Variants in ENOX1 observed in about 807,000 individuals in gnomAD.
The protein encoded by ENOX1 is candidate growth-related and time keeping constitutive hydroquinone (NADH) oxidase.
Under a neutral mutation model 82.5 loss-of-function variants are expected in ENOX1, and 42 were observed. The ratio of observed to expected loss-of-function variants is 0.51; its 90% CI spans 0.40 to 0.66. The LOEUF (loss-of-function observed/expected upper bound fraction) is 0.66. Ranked by LOEUF, ENOX1 falls within the 30% of genes least tolerant of loss-of-function variation. ENOX1 has a pLI of 0.00. For synonymous variants in ENOX1, 271 were observed against 282.2 expected (o/e 0.96, Z 0.40); for missense variants, 608 against 811.6 (o/e 0.75, Z 3.05).
intron 1 of ENOX1, among the ~76,000 whole-genome samples, chr13:43,743,314 TACC>T (rs1298430241): frequency 2.0e-5 from 3 of 152,180 alleles, no homozygotes; most frequent in Non-Finnish European, 2.9e-5. Flanking sequence ...CTACAAATTT[TACC>T]ACAAGACAGT....
At chr13:43,256,173 A>G (rs1368674857) in intron 14 of ENOX1, among the ~76,000 whole-genome samples, 1 of 152,190 alleles carries the variant, frequency 6.6e-6, no homozygotes, top group African/African-American at 2.4e-5. Context: ...TAAATACGTA[A>G]ATGTAAGACC....
At chr13:43,429,422 AT>A (rs906958996) in intron 3 of ENOX1, among the ~76,000 whole-genome samples, 8 of 151,496 alleles carry the variant, frequency 5.3e-5, no homozygotes, top group Admixed American at 1.3e-4. Flanking sequence ...TCTGGTCTGC[AT>A]TTTTTTTTCT....
At chr13:43,511,190 A>ATTGTTT (rs1566417916) in intron 2 of ENOX1, among the ~76,000 whole-genome samples, 6 of 152,150 alleles carry the variant, frequency 3.9e-5, no homozygotes, top group African/African-American at 1.4e-4. Flanking sequence ...CTCTCTATCC[A>ATTGTTT]TTCTTGGCTT....
chr13:43,247,883 A>ATTTTTTTTT (rs869265102), intron 14 of ENOX1, among the ~76,000 whole-genome samples: 10 of 14,638 alleles, frequency 6.8e-4, no homozygotes, highest in Admixed American at 1.4e-3. Flanking sequence ...ATATATATAT[A>ATTTTTTTTT]TTTTTTTTTT....
At chr13:43,527,568 T>C (rs999603233) in intron 2 of ENOX1, among the ~76,000 whole-genome samples, 4 of 152,132 alleles carry the variant, frequency 2.6e-5, no homozygotes, top group Non-Finnish European at 5.9e-5. Context: ...GTTCATTACA[T>C]AGCTAATTTC....
chr13:43,643,964 C>T (rs908143540), intron 2 of ENOX1, among the ~76,000 whole-genome samples: 1 of 152,110 alleles, frequency 6.6e-6, no homozygotes, highest in Non-Finnish European at 1.5e-5. Flanking sequence ...CCATTCCTAT[C>T]GCAAAGCTTT....
At chr13:43,785,189 C>T (rs1038480971) in intron 1 of ENOX1, among the ~76,000 whole-genome samples, 2 of 152,172 alleles carry the variant, frequency 1.3e-5, no homozygotes, top group Non-Finnish European at 2.9e-5. Context: ...AAAGTGGCAA[C>T]GCTAGTAAAA....
At chr13:43,732,872 C>T (rs1026721157) in intron 1 of ENOX1, among the ~76,000 whole-genome samples, 1 of 152,198 alleles carries the variant, frequency 6.6e-6, no homozygotes, top group Non-Finnish European at 1.5e-5. Context: ...TCCACTTGCC[C>T]ATTAGACTGC....
At chr13:43,477,549 T>C (rs943673468) in intron 3 of ENOX1, among the ~76,000 whole-genome samples, 1 of 152,166 alleles carries the variant, frequency 6.6e-6, no homozygotes, top group Non-Finnish European at 1.5e-5. Context: ...GGAGACTTAC[T>C]GTAGAAGAAA....
intron 1 of ENOX1, among the ~76,000 whole-genome samples, chr13:43,703,070 G>A (rs182450): frequency 6.7e-6 from 1 of 149,708 alleles, no homozygotes; most frequent in Non-Finnish European, 1.5e-5. Flanking sequence ...CCAGACAGCA[G>A]ATCTGCTGGC....
At position 43,361,311 on chromosome 13, in the gene ENOX1, C is replaced by T; in HGVS notation, c.350G>A (p.Cys117Tyr). The T allele has an allele frequency of 6.2e-7, 1 of 1,613,748 alleles. No individual in the cohort carries two copies. The highest frequency in any genetic ancestry group is 8.5e-7 in the Non-Finnish European group (1 of 1,179,820). ...TTGAGGAAAAAGAGTACAGCTTTTG[C>T]AGTGGATTATTTCTTTGACAACAGC... ...EVAVVKEIIH[C>Y]KSCTLFPQNP... Residue 117 changes from cysteine to tyrosine, a missense_variant, in exon 6 of 17, where the codon TGC (cysteine) becomes TAC (tyrosine). Coordinates refer to ENST00000690772, the MANE Select transcript of ENOX1 (RefSeq NM_001347969.2).
chr13:43,264,483 TG>T (rs2044255861), intron 14 of ENOX1, among the ~76,000 whole-genome samples: 2 of 152,236 alleles, frequency 1.3e-5, no homozygotes, highest in Admixed American at 1.3e-4. Flanking sequence ...AAATATCTGC[TG>T]GGTAGGAACA....
intron 2 of ENOX1, among the ~76,000 whole-genome samples, chr13:43,510,065 T>C (rs1593554477): frequency 6.6e-6 from 1 of 152,036 alleles, no homozygotes; most frequent in South Asian, 2.1e-4. Flanking sequence ...TGTATAGATC[T>C]AAGTAGGAGA....
At chr13:43,324,002 G>A (rs1400132935) in intron 10 of ENOX1, among the ~76,000 whole-genome samples, 1 of 152,172 alleles carries the variant, frequency 6.6e-6, no homozygotes, top group Non-Finnish European at 1.5e-5. Context: ...TGGGGTGCAG[G>A]GGCACCAATC....
At chr13:43,359,232 C>T (rs75007075) in intron 7 of ENOX1, among the ~76,000 whole-genome samples, 231 of 152,316 alleles carry the variant, frequency 1.5e-3, no homozygotes, top group African/African-American at 5.2e-3. Flanking sequence ...CCAAAGCCAG[C>T]CCCTAATTCT....
In ENOX1 at chr13:43,624,940, A is replaced by C. The variant is rs190331353; in HGVS notation, c.-219+42539T>G. Among the ~76,000 whole-genome samples the C allele has an allele frequency of 2.1e-3, 321 of 152,186 alleles. 1 individual carries two copies. Among genetic ancestry groups the C allele is most frequent in the African/African-American group, 7.6e-3 (315 of 41,568 alleles). On this transcript the variant is annotated intron_variant, in intron 2 of 16. Transcript: ENST00000690772. ...CTCAAAAAATATTCTTGGGATTTTG[A>C]TAGGAATTGCTACCAATATCTACAT...
intron 1 of ENOX1, among the ~76,000 whole-genome samples, chr13:43,759,417 T>C (rs1044539310): frequency 2.0e-5 from 3 of 152,078 alleles, no homozygotes; most frequent in African/African-American, 7.2e-5. Flanking sequence ...GATCAGTTTC[T>C]ATAAAGCTAT....
At chr13:43,689,774 T>G (rs991484997) in intron 1 of ENOX1, among the ~76,000 whole-genome samples, 5 of 152,206 alleles carry the variant, frequency 3.3e-5, no homozygotes, top group Non-Finnish European at 7.3e-5. Context: ...ATACACACAC[T>G]CAACACTCAA....
At chr13:43,752,767 T>A (rs1016671267) in intron 1 of ENOX1, among the ~76,000 whole-genome samples, 3 of 152,208 alleles carry the variant, frequency 2.0e-5, no homozygotes, top group African/African-American at 7.2e-5. Context: ...TTTTGATTAC[T>A]GTAGCATTAC....
Sources: allele counts gnomAD v4.1 joint callset (sites outside exome capture counted in the v4.1 genomes callset), GRCh38; gene constraint gnomAD v4.1.1; transcripts MANE v1.5; gene names NCBI Gene and HGNC (gene_info 2026-07-23, HGNC 2026-07-21).